FARP1: variants seen among roughly 807,000 people sequenced by gnomAD.
FARP1 encodes FERM, ARHGEF and pleckstrin domain-containing protein 1.
Under a neutral mutation model 128.8 loss-of-function variants are expected in FARP1, and 52 were observed. That is an observed-to-expected ratio of 0.40 (90% CI 0.32 to 0.51). FARP1 has a LOEUF of 0.51. Ranked by LOEUF, FARP1 falls within the 20% of genes least tolerant of loss-of-function variation. The probability of loss-of-function intolerance (pLI) is 0.45; values close to 1 mark genes in which losing one functional copy is unlikely to be tolerated. For missense variants in FARP1, 1,333 were observed against 1,367.9 expected (o/e 0.97, Z 0.40); for synonymous variants, 580 against 551.8 (o/e 1.05, Z -0.72).
At chr13:98,323,852 A>C (rs1887112206) in intron 2 of FARP1, among the ~76,000 whole-genome samples, 1 of 152,196 alleles carries the variant, frequency 6.6e-6, no homozygotes, top group African/African-American at 2.4e-5. Context: ...CAAGCCCCAT[A>C]ATTTTGTCTT....
chr13:98,422,487 A>C (rs1477627692), intron 16 of FARP1, among the ~76,000 whole-genome samples: 1 of 152,166 alleles, frequency 6.6e-6, no homozygotes, highest in Admixed American at 6.5e-5. Context: ...AAGACCCAGG[A>C]AGGAGCTTGG....
At chr13:98,424,526 T>A in intron 16 of FARP1, 46 bp from the exon 17 acceptor site, 1 of 1,244,108 alleles carries the variant, frequency 8.0e-7, no homozygotes, top group Non-Finnish European at 1.2e-6. Flanking sequence ...GGCTGTCATG[T>A]CACTACTGAT....
At chr13:98,206,967 T>G (rs1051002017) in intron 1 of FARP1, among the ~76,000 whole-genome samples, 2 of 152,188 alleles carry the variant, frequency 1.3e-5, no homozygotes, top group African/African-American at 2.4e-5. Context: ...ATTTATACAC[T>G]AGAGGCCTTT....
At chr13:98,228,571 C>G (rs962694620) in intron 2 of FARP1, among the ~76,000 whole-genome samples, 4 of 152,166 alleles carry the variant, frequency 2.6e-5, no homozygotes, top group African/African-American at 9.7e-5. Flanking sequence ...TATAGTATAT[C>G]GTTAGTTACC....
intron 2 of FARP1, among the ~76,000 whole-genome samples, chr13:98,294,328 T>C (rs1885570262): frequency 6.6e-6 from 1 of 152,112 alleles, no homozygotes; most frequent in South Asian, 2.1e-4. Context: ...CAACCATTGA[T>C]AAGATAAGGG....
chr13:98,287,153 G>A (rs1885210848), intron 2 of FARP1, among the ~76,000 whole-genome samples: 1 of 143,018 alleles, frequency 7.0e-6, no homozygotes, highest in African/African-American at 2.7e-5. Flanking sequence ...TGTTTTCTCT[G>A]CAAAAAGTCA....
chr13:98,322,970 A>C (rs1489575149), intron 2 of FARP1, among the ~76,000 whole-genome samples: 2 of 152,232 alleles, frequency 1.3e-5, no homozygotes, highest in African/African-American at 4.8e-5. Context: ...GGAAGAGTTT[A>C]TGGTTGTGAA....
chr13:98,357,389 A>G (rs1888685047), intron 3 of FARP1, among the ~76,000 whole-genome samples: 1 of 152,082 alleles, frequency 6.6e-6, no homozygotes, highest in East Asian at 1.9e-4. Flanking sequence ...AATGGTGAGG[A>G]CTTACTGTAC....
At chr13:98,401,061 C>T (rs1890741902) in intron 13 of FARP1, 1 of 152,140 alleles carries the variant, frequency 6.6e-6, no homozygotes, top group Non-Finnish European at 1.5e-5. Context: ...TCCGTTGCTA[C>T]CATTTCCACT....
intron 2 of FARP1, among the ~76,000 whole-genome samples, chr13:98,254,013 T>TA (rs1450939978): frequency 6.6e-6 from 1 of 152,148 alleles, no homozygotes; most frequent in Non-Finnish European, 1.5e-5. Flanking sequence ...GCTTTGAAAA[T>TA]ACCACTCTGT....
At chr13:98,173,690 C>T (rs1877800117) in intron 1 of FARP1, among the ~76,000 whole-genome samples, 1 of 152,194 alleles carries the variant, frequency 6.6e-6, no homozygotes, top group Non-Finnish European at 1.5e-5. Flanking sequence ...GAAAAAAGGT[C>T]AAGTCAGTTG....
chr13:98,178,781 G>A (rs1040140640), intron 1 of FARP1, among the ~76,000 whole-genome samples: 1 of 152,222 alleles, frequency 6.6e-6, no homozygotes, highest in African/African-American at 2.4e-5. Context: ...TGTTGGAAAT[G>A]TGATGAATAA....
At chr13:98,225,738 C>G (rs1881721335) in intron 2 of FARP1, among the ~76,000 whole-genome samples, 1 of 152,222 alleles carries the variant, frequency 6.6e-6, no homozygotes. Flanking sequence ...CTGTTAGAGT[C>G]TTTATGTGGG....
At chr13:98,406,057 ACT>A (rs1890959235) in intron 13 of FARP1, 1 of 152,094 alleles carries the variant, frequency 6.6e-6, no homozygotes. Context: ...AGTTCTAATA[ACT>A]CTGTGACCTT....
At chr13:98,332,386 G>A (rs1424673017) in intron 2 of FARP1, 1 of 152,102 alleles carries the variant, frequency 6.6e-6, no homozygotes, top group Non-Finnish European at 1.5e-5. Flanking sequence ...TAAATACCAA[G>A]TATCTGGTTA....
intron 25 of FARP1, 62 bp from the exon 26 acceptor site, chr13:98,446,604 A>G: frequency 6.4e-7 from 1 of 1,560,374 alleles, no homozygotes. Flanking sequence ...GCGGGGCAGC[A>G]GCCAGGCCCA....
Position 98,213,294 on chromosome 13 carries a change from G to A in FARP1, c.52G>A (p.Glu18Lys). The change falls in exon 2 of 27, where the codon GAA (glutamate) becomes AAA (lysine). Residue 18 changes from glutamate to lysine, a missense_variant. Glu to Lys is a moderately conservative substitution (Grantham distance 56). Transcript: ENST00000319562. Reference sequence around the variant, plus strand: ...CCCAGGATCACGACTGGGGGCCCCGGAAAATTCGGGGATCAGTACCTTGGA... The same window carrying A: ...CCCAGGATCACGACTGGGGGCCCCGAAAAATTCGGGGATCAGTACCTTGGA... Reference protein sequence around the residue: ...PTPGSRLGAPENSGISTLERG... With the variant: ...PTPGSRLGAPKNSGISTLERG... The A allele has an allele frequency of 6.2e-7, 1 of 1,614,118 alleles. No homozygotes were observed.
At chr13:98,401,218 C>T (rs1890748878) in intron 13 of FARP1, 2 of 152,048 alleles carry the variant, frequency 1.3e-5, no homozygotes, top group African/African-American at 4.8e-5. Flanking sequence ...TTTACTGGTA[C>T]TGTTTTTTTT....
At chr13:98,412,071 T>G in intron 16 of FARP1, 37 bp downstream of exon 16, 1 of 1,601,966 alleles carries the variant, frequency 6.2e-7, no homozygotes. Flanking sequence ...CGTTCCTCCC[T>G]CCGTCTTGCT....
Sources: gnomAD v4.1 joint callset for allele counts (sites outside exome capture counted in the v4.1 genomes callset) on GRCh38, gnomAD v4.1.1 for gene constraint, MANE v1.5 for transcripts, NCBI Gene and HGNC (gene_info 2026-07-23, HGNC 2026-07-21) for gene names.